PLEKHN1: variants seen among roughly 807,000 people sequenced by gnomAD.
PLEKHN1 encodes the protein pleckstrin homology domain-containing family N member 1.
PLEKHN1 carries 68 observed loss-of-function variants against 72.8 expected under a neutral mutation model. That is an observed-to-expected ratio of 0.93 (90% CI 0.77 to 1.14). The LOEUF (loss-of-function observed/expected upper bound fraction) is 1.14. PLEKHN1 is among the 50% of genes most tolerant of loss of function. The pLI, the probability that PLEKHN1 is intolerant of heterozygous loss-of-function variation, is 0.00. For synonymous variants in PLEKHN1, 454 were observed against 371.6 expected (o/e 1.22, Z -2.55); for missense variants, 1,015 against 840.5 (o/e 1.21, Z -2.57).
At chr1:973,708 C>A (rs565501383) in intron 13 of PLEKHN1, 68 bp downstream of exon 13, 1 of 1,582,376 alleles carries the variant, frequency 6.3e-7, no homozygotes. Flanking sequence ...GAGGTCTAGA[C>A]CGTGCGTCTC....
chr1:971,946 G>A (rs2100470873), intron 8 of PLEKHN1, 129 bp from the exon 9 acceptor site: 1 of 877,124 alleles, frequency 1.1e-6, no homozygotes, highest in Non-Finnish European at 1.8e-6. Flanking sequence ...CCTCCCTCAG[G>A]GTGGTGGCCT....
chr1:974,778 C>T lies in PLEKHN1; in HGVS notation c.*203C>T, dbSNP rs1359492458. On this transcript the variant is annotated 3_prime_UTR_variant, in exon 16 of 16. Transcript: ENST00000379410. ...CAGGGAAGGGTGGGAGGGGCCCCAT[C>T]CAAAGGATGCCCTGGCCAGCGAGGC... 1 of 695,648 alleles carries T rather than the reference C, an allele frequency of 1.4e-6. No individual in the cohort carries two copies. Among genetic ancestry groups the T allele is most frequent in the Non-Finnish European group, 2.3e-6 (1 of 430,234 alleles). The allele number at this position is 695,648 out of a possible 1,614,324, so 43.1% of individuals were successfully genotyped here. A position where few individuals can be genotyped will look rare whatever the true frequency, so the allele number is the denominator to read the frequency against.
Position 973,885 on chromosome 1 carries a change from C to T in PLEKHN1, c.1487C>T (p.Pro496Leu). 1 of 1,611,142 alleles carries T rather than the reference C, an allele frequency of 6.2e-7. No individual in the cohort carries two copies. The highest frequency in any genetic ancestry group is 8.5e-7 in the Non-Finnish European group (1 of 1,179,906). ...GGACCCACGCCCTCGAGCCCACTCC[C>T]CTCGGTGCCTGTGTCTGTGCCTGCC... The part of the protein sequence containing the change: ...ARGPTPSSPL[P>L]SVPVSVPASD... Residue 496 changes from proline (P) to leucine (L), a missense_variant, in exon 14 of 16, where the codon CCC becomes CTC. Physicochemically the swap from Pro to Leu is moderately conservative, Grantham distance 98. Transcript: ENST00000379410.
chr1:969,769 A>G (rs1477679407), intron 2 of PLEKHN1, among the ~76,000 whole-genome samples: 4 of 150,668 alleles, frequency 2.7e-5, no homozygotes, highest in Non-Finnish European at 5.9e-5. Flanking sequence ...TTGTGTGTGT[A>G]TGCATGTGTG....
At chr1:969,945 A>G (rs1019842865) in intron 2 of PLEKHN1, among the ~76,000 whole-genome samples, 6 of 151,492 alleles carry the variant, frequency 4.0e-5, no homozygotes, top group African/African-American at 1.5e-4. Context: ...TTTCCTGTGG[A>G]AAGGCTGAGT....
rs141996759 is a variant in PLEKHN1, at chr1:975,147, GAGAGA to G, written c.*585_*589del. 6,204 of 152,068 alleles carry G rather than the reference GAGAGA, an allele frequency of 0.041. 164 individuals carry two copies. The highest frequency in any genetic ancestry group is 0.12 in the East Asian group (612 of 5,136). The allele number at this position is 152,068 out of a possible 1,614,324, so 9.4% of individuals were successfully genotyped here. A position where few individuals can be genotyped will look rare whatever the true frequency, so the allele number is the denominator to read the frequency against. ...GAGGAGAAGAGAGAAAAGAAGAGAA[GAGAGA>G]AGAGAAGAGAAGGAAAGAGAGAGAG... On this transcript the variant is annotated 3_prime_UTR_variant, in exon 16 of 16. Transcript: ENST00000379410.
rs114784663 is a variant in PLEKHN1, at chr1:972,848, A to G, written c.1003-13A>G. The G allele has an allele frequency of 1.3e-3, 1,924 of 1,537,746 alleles. 30 individuals carry two copies. In the African/African-American group the frequency reaches 0.021, roughly 17 times the overall value. ...GTCCAGCCCTCACTCACCCCCACTC[A>G]CTGCCCATCCAGGTTATGGGCAGTG... On this transcript the variant is annotated splice_polypyrimidine_tract_variant and intron_variant, in intron 10 of 15. Transcript: ENST00000379410.
rs149041637 is a variant in PLEKHN1, at chr1:970,530, G to C, written c.340G>C (p.Asp114His). The change falls in exon 4 of 16, where the codon GAC becomes CAC. Residue 114 changes from aspartate (D) to histidine (H), a missense_variant. Physicochemically the swap from Asp to His is moderately conservative, Grantham distance 81. Coordinates refer to ENST00000379410, the MANE Select transcript of PLEKHN1 (RefSeq NM_032129.3). This position sits in a 1 kb window ranked among gnomAD's most constrained non-coding sequence, Gnocchi z 4.2. ...CCTGCTCCCCGCGCAGGATGTCAGC[G>C]ACTGCTACCTGGAGCTATTCCCCGC... Reference protein sequence around the residue: ...LRFQHSQDVSDCYLELFPAHL... With the variant: ...LRFQHSQDVSHCYLELFPAHL... 3 of 1,613,110 alleles carry C rather than the reference G, an allele frequency of 1.9e-6. 1 individual carries two copies. Among genetic ancestry groups the C allele is most frequent in the Non-Finnish European group, 2.5e-6 (3 of 1,179,966 alleles).
chr1:968,465 G>A (rs982589242), intron 2 of PLEKHN1, among the ~76,000 whole-genome samples: 13 of 152,204 alleles, frequency 8.5e-5, no homozygotes, highest in African/African-American at 1.2e-4. Context: ...TACATGTGGC[G>A]TGGATGTGGA....
intron 7 of PLEKHN1, 22 bp from the exon 8 acceptor site, chr1:971,302 G>GTGCC: frequency 6.4e-7 from 1 of 1,559,416 alleles, no homozygotes; most frequent in Non-Finnish European, 8.7e-7. Context: ...CTCATCGCCT[G>GTGCC]ACCCCACCCC....
rs556301852 is a variant in PLEKHN1, at chr1:974,929, G to A, written c.*354G>A. The A allele has an allele frequency of 6.5e-6, 2 of 307,482 alleles. No homozygotes were observed. The highest frequency in any genetic ancestry group is 8.0e-5 in the South Asian group (2 of 25,056). 19.0% of individuals were successfully genotyped at this position (307,482 alleles called of 1,614,324 possible). ...ACGGGCGTGAAGGTCGGAGGACAGA[G>A]AAAGGTCAGCAGGGTCAGAGTATGT... is the stretch of plus-strand genomic sequence containing the variant. On this transcript the variant is annotated 3_prime_UTR_variant, in exon 16 of 16. Transcript: ENST00000379410.
At position 973,609 on chromosome 1, in the gene PLEKHN1, G is replaced by A. The variant is rs201074437; in HGVS notation, c.1403G>A (p.Arg468His). 3.4e-5 allele frequency: 55 copies of A among 1,613,008 alleles called. No individual in the cohort carries two copies. The Middle Eastern group carries it at 6.6e-4, about 19-fold the overall frequency. The change falls in exon 13 of 16, where the codon CGC becomes CAC. Residue 468 changes from arginine (R) to histidine (H), a missense_variant. By Grantham distance (29) the Arg-to-His change is conservative. Transcript: ENST00000379410. ...DPYTPPATSH[R>H]RVTDVRGLEE... ...TACACACCACCCGCCACCTCCCACC[G>A]CAGGGTCACAGATGTCCGGGGCCTG...
At chr1:971,430 GC>G in intron 8 of PLEKHN1, 26 bp downstream of exon 8, 2 of 1,544,888 alleles carry the variant, frequency 1.3e-6, no homozygotes, top group Non-Finnish European at 1.8e-6. Context: ...CTGTGGGCCC[GC>G]CCCAGGGAGG....
chr1:971,598 T>C lies in PLEKHN1; in HGVS notation c.789+194T>C, dbSNP rs531866545. ...GGAGCCCCTGCCCGCCCTGAGGTTC[T>C]CACCCTGAGGTTCTTGACCGTCACC... On this transcript the variant is annotated intron_variant, in intron 8 of 15. Coordinates refer to ENST00000379410, the MANE Select transcript of PLEKHN1 (RefSeq NM_032129.3). 21 of 624,934 alleles carry C rather than the reference T, an allele frequency of 3.4e-5. 1 individual carries two copies. Among genetic ancestry groups the C allele is most frequent in the Middle Eastern group, 8.6e-4 (2 of 2,332 alleles). 38.7% of individuals were successfully genotyped at this position (624,934 alleles called of 1,614,324 possible). A position where few individuals can be genotyped will look rare whatever the true frequency, so the allele number is the denominator to read the frequency against.
chr1:974,300 C>A lies in PLEKHN1; in HGVS notation c.1654-16C>A. ...GGGCTGTGCCCGGCTCTCAGACTTG[C>A]GGTTTGGGGTTCCAGGTCTCCTCTG... On this transcript the variant is annotated splice_polypyrimidine_tract_variant and intron_variant, in intron 14 of 15. Transcript: ENST00000379410. 1 of 1,612,936 alleles carries A rather than the reference C, an allele frequency of 6.2e-7. No homozygotes were observed. Among genetic ancestry groups the A allele is most frequent in the Non-Finnish European group, 8.5e-7 (1 of 1,180,014 alleles).
rs982350592 is a variant in PLEKHN1 at position 975,476 on chromosome 1, C to A, written c.*901C>A. ...CCTCTGCACCTGCACCCAGGGCTCC[C>A]GGGGAGGGGCTCGCGGCTCTGCCAC... is the stretch of plus-strand genomic sequence containing the variant. On this transcript the variant is annotated 3_prime_UTR_variant, in exon 16 of 16. Coordinates refer to ENST00000379410, the MANE Select transcript of PLEKHN1 (RefSeq NM_032129.3). The A allele has an allele frequency of 6.6e-6, 1 of 152,282 alleles. No homozygotes were observed. Among genetic ancestry groups the A allele is most frequent in the Admixed American group, 6.5e-5 (1 of 15,288 alleles). The allele number at this position is 152,282 out of a possible 1,614,324, so 9.4% of individuals were successfully genotyped here.
intron 13 of PLEKHN1, 89 bp from the exon 14 acceptor site, chr1:973,744 G>T: frequency 6.4e-7 from 1 of 1,564,838 alleles, no homozygotes. Flanking sequence ...GCTGCCCCAA[G>T]CCTGAGGTCT....
At position 974,381 on chromosome 1, in the gene PLEKHN1, C is replaced by T; in HGVS notation, c.1702+17C>T. ...CTCTGACAGGTGAGTAAGGATCCTG[C>T]CTCCTGAGGTGAGTGCCTGTTGCCT... On this transcript the variant is annotated intron_variant, in intron 15 of 15. Transcript: ENST00000379410. 1 of 1,613,024 alleles carries T rather than the reference C, an allele frequency of 6.2e-7. No homozygotes were observed.
In PLEKHN1 at chr1:972,785, C is replaced by A. The variant is rs1643407339; in HGVS notation, c.1003-76C>A. 1.0e-5 allele frequency: 15 copies of A among 1,430,830 alleles called. No individual in the cohort carries two copies. The Admixed American group carries it at 2.7e-4, about 26-fold the overall frequency. The allele number at this position is 1,430,830 out of a possible 1,614,324, so 88.6% of individuals were successfully genotyped here. A position where few individuals can be genotyped will look rare whatever the true frequency, so the allele number is the denominator to read the frequency against. On this transcript the variant is annotated intron_variant, in intron 10 of 15. Coordinates refer to ENST00000379410, the MANE Select transcript of PLEKHN1 (RefSeq NM_032129.3). ...CGTCCCAAAAAGATAAAAGGGGGGA[C>A]AGCACGGTGGGTCCAGGCAGGGGCG... is the stretch of plus-strand genomic sequence containing the variant.
Sources: gnomAD v4.1 joint callset for allele counts (sites outside exome capture counted in the v4.1 genomes callset) on GRCh38, gnomAD v4.1.1 for gene constraint, Gnocchi (gnomAD v3.1) non-coding constraint, MANE v1.5 for transcripts, NCBI Gene and HGNC (gene_info 2026-07-23, HGNC 2026-07-21) for gene names.